SYT14: variants seen among roughly 807,000 people sequenced by gnomAD.
SYT14 encodes the protein synaptotagmin-14.
In SYT14, 32 loss-of-function variants were observed where a neutral mutation model predicts 74.2. The observed-to-expected ratio is 0.43, with a 90% confidence interval of 0.33 to 0.58. The LOEUF (loss-of-function observed/expected upper bound fraction) is 0.58, where lower values mean the gene tolerates loss of function less well. Ranked by LOEUF, SYT14 falls within the 20% of genes least tolerant of loss-of-function variation. The pLI is 0.05. For missense variants in SYT14, 791 were observed against 981.8 expected (o/e 0.81, Z 2.60); for synonymous variants, 298 against 337.7 (o/e 0.88, Z 1.29).
At chr1:210,055,910 ATCTCT>A (rs888324393) in intron 5 of SYT14, among the ~76,000 whole-genome samples, 1 of 152,162 alleles carries the variant, frequency 6.6e-6, no homozygotes, top group African/African-American at 2.4e-5. Context: ...CCATTTAGAA[ATCTCT>A]TCTAAGTAGG....
chr1:210,076,297 G>A (rs2081499693), intron 5 of SYT14, among the ~76,000 whole-genome samples: 1 of 152,100 alleles, frequency 6.6e-6, no homozygotes, highest in Non-Finnish European at 1.5e-5. Flanking sequence ...ACTCCTGAAT[G>A]ACTTGATATG....
intron 5 of SYT14, among the ~76,000 whole-genome samples, chr1:210,051,806 GAGA>G (rs2081002385): frequency 6.6e-6 from 1 of 152,098 alleles, no homozygotes; most frequent in African/African-American, 2.4e-5. Context: ...CCACGTTCAT[GAGA>G]AATACCTACC....
At chr1:210,142,454 C>A (rs2102675271) in intron 7 of SYT14, among the ~76,000 whole-genome samples, 1 of 152,178 alleles carries the variant, frequency 6.6e-6, no homozygotes, top group East Asian at 1.9e-4. Flanking sequence ...TTTCAGAGGT[C>A]CTTACTTCAC....
chr1:210,155,178 A>G (rs1038379125), intron 7 of SYT14, among the ~76,000 whole-genome samples: 4 of 152,220 alleles, frequency 2.6e-5, no homozygotes, highest in African/African-American at 9.6e-5. Context: ...AGTGGTGATT[A>G]TTGCCTTAAA....
intron 8 of SYT14, among the ~76,000 whole-genome samples, chr1:210,157,278 C>T (rs2083287346): frequency 6.6e-6 from 1 of 150,476 alleles, no homozygotes; most frequent in South Asian, 2.1e-4. Flanking sequence ...CCTGACTCTA[C>T]AAAAAATTTA....
chr1:209,995,359 T>G (rs976573746), intron 2 of SYT14, among the ~76,000 whole-genome samples: 5 of 152,094 alleles, frequency 3.3e-5, no homozygotes, highest in Non-Finnish European at 5.9e-5. Flanking sequence ...ATAAAACATA[T>G]GTTAAGCCAA....
chr1:209,966,171 A>G (rs1031756671), intron 2 of SYT14, among the ~76,000 whole-genome samples: 8 of 152,216 alleles, frequency 5.3e-5, no homozygotes, highest in East Asian at 3.9e-4. Context: ...CGCCCGTTCT[A>G]TTTTTGAACT....
intron 5 of SYT14, among the ~76,000 whole-genome samples, chr1:210,035,338 T>G (rs1477857105): frequency 4.6e-5 from 7 of 152,142 alleles, no homozygotes; most frequent in African/African-American, 1.4e-4. Context: ...ATGCATAGTT[T>G]GGAAATATTT....
Position 210,053,447 on chromosome 1 carries a change from G to T in SYT14, c.1312+32193G>T, listed in dbSNP as rs547729385. The stretch of plus-strand genomic sequence containing the variant: ...TAGGACTGCTTTTTAGGCAGTGAAG[G>T]CCATTAGAAGATTTTAAACTAAAAG... On this transcript the variant is annotated intron_variant, in intron 5 of 9. Coordinates refer to ENST00000637265, the Ensembl canonical transcript of SYT14. 5.9e-5 allele frequency among the ~76,000 whole-genome samples: 9 copies of T among 152,302 alleles called. No homozygotes were observed. The East Asian group carries it at 9.6e-4, about 16-fold the overall frequency.
chr1:210,149,727 G>A (rs915950718), intron 7 of SYT14, among the ~76,000 whole-genome samples: 1 of 152,156 alleles, frequency 6.6e-6, no homozygotes, highest in Non-Finnish European at 1.5e-5. Context: ...TGCTCCATGA[G>A]TGTGGTAATA....
chr1:210,146,733 ATATG>A (rs2083043584), intron 7 of SYT14, among the ~76,000 whole-genome samples: 1 of 151,502 alleles, frequency 6.6e-6, no homozygotes, highest in South Asian at 2.1e-4. Context: ...CATACGTAGT[ATATG>A]TATACTACAT....
chr1:210,168,640 A>T (rs1255856426), exon 10 of SYT14: 1 of 152,080 alleles, frequency 6.6e-6, no homozygotes, highest in Non-Finnish European at 1.5e-5. Context: ...GAAAATAGGA[A>T]TTTTTCCTTA....
intron 5 of SYT14, among the ~76,000 whole-genome samples, chr1:210,043,600 G>A (rs1191141523): frequency 6.6e-6 from 1 of 152,146 alleles, no homozygotes; most frequent in Non-Finnish European, 1.5e-5. Context: ...GAATTAACAA[G>A]CTTGGATGCA....
chr1:210,066,554 G>A (rs1005310343), intron 5 of SYT14, among the ~76,000 whole-genome samples: 16 of 152,128 alleles, frequency 1.1e-4, no homozygotes, highest in Non-Finnish European at 1.6e-4. Flanking sequence ...CATATCCTTC[G>A]CTCACTTTTT....
chr1:210,053,149 C>T (rs1256197812), intron 5 of SYT14, among the ~76,000 whole-genome samples: 2 of 152,124 alleles, frequency 1.3e-5, no homozygotes, highest in Non-Finnish European at 2.9e-5. Context: ...TATGTTCATG[C>T]ATAGAAGGTA....
At chr1:209,964,767 A>G (rs959105452) in intron 2 of SYT14, among the ~76,000 whole-genome samples, 6 of 152,168 alleles carry the variant, frequency 3.9e-5, no homozygotes, top group African/African-American at 1.4e-4. Flanking sequence ...TCAGAGCCCA[A>G]GGTTTTCATG....
At chr1:210,016,809 G>A in exon 4 of SYT14, 1 of 1,231,742 alleles carries the variant, frequency 8.1e-7, no homozygotes, top group Non-Finnish European at 1.0e-6. Context: ...TGTGTTAAAA[G>A]TAAAGCATCC....
chr1:210,161,095 A>G, exon 10 of SYT14: 1 of 1,573,834 alleles, frequency 6.4e-7, no homozygotes, highest in Non-Finnish European at 8.7e-7. Context: ...TCCAATTCCA[A>G]CATTACTGTT....
intron 2 of SYT14, among the ~76,000 whole-genome samples, chr1:209,992,778 TGAGA>T (rs2079717020): frequency 6.6e-6 from 1 of 152,082 alleles, no homozygotes; most frequent in Non-Finnish European, 1.5e-5. Flanking sequence ...CCATTCACAC[TGAGA>T]GAGACCATAT....
Sources: allele counts gnomAD v4.1 joint callset (sites outside exome capture counted in the v4.1 genomes callset), GRCh38; gene constraint gnomAD v4.1.1; transcripts MANE v1.5; gene names NCBI Gene and HGNC (gene_info 2026-07-23, HGNC 2026-07-21).